The following NIBAN1 variants were observed in gnomAD, a reference collection of about 807,000 sequenced individuals.
The protein encoded by NIBAN1 is protein Niban 1.
A neutral mutation model predicts 75.1 loss-of-function variants in NIBAN1; 81 were observed. The observed-to-expected ratio is 1.08, with a 90% CI of 0.90 to 1.30. NIBAN1 has a LOEUF of 1.30. Among genes scored for constraint, NIBAN1 ranks in the 50% most tolerant of loss-of-function variants. The pLI is 0.00. For synonymous variants in NIBAN1, 436 were observed against 424.8 expected (o/e 1.03, Z -0.32); for missense variants, 1,133 against 1,128.1 (o/e 1.00, Z -0.06).
chr1:184,900,973 A>C (rs2101990896), intron 1 of NIBAN1, among the ~76,000 whole-genome samples: 1 of 152,326 alleles, frequency 6.6e-6, no homozygotes, highest in African/African-American at 2.4e-5. Flanking sequence ...ATTTGTTTAG[A>C]GCTATCATGT....
At chr1:184,834,250 G>T (rs546716860) in intron 5 of NIBAN1, among the ~76,000 whole-genome samples, 10 of 152,222 alleles carry the variant, frequency 6.6e-5, no homozygotes, top group African/African-American at 1.9e-4. Flanking sequence ...TCTTAATCCA[G>T]TCTATCATTG....
chr1:184,920,980 T>G (rs1249309573), intron 1 of NIBAN1, among the ~76,000 whole-genome samples: 2 of 151,940 alleles, frequency 1.3e-5, no homozygotes, highest in Non-Finnish European at 2.9e-5. Flanking sequence ...AAATACAAAA[T>G]TAGCCGGGTG....
intron 8 of NIBAN1, 25 bp from the exon 9 acceptor site, chr1:184,818,850 C>T: frequency 6.4e-7 from 1 of 1,558,102 alleles, no homozygotes; most frequent in South Asian, 1.2e-5. Context: ...AGCCAAAAAA[C>T]CGTGACATAT....
chr1:184,806,960 G>A (rs113227035), intron 10 of NIBAN1, among the ~76,000 whole-genome samples: 12,128 of 151,986 alleles, frequency 0.08, 592 homozygotes, highest in African/African-American at 0.13. Flanking sequence ...AGTAGAGATG[G>A]GGTTTCACCA....
At chr1:184,829,698 T>C (rs1465388791) in intron 6 of NIBAN1, among the ~76,000 whole-genome samples, 1 of 151,994 alleles carries the variant, frequency 6.6e-6, no homozygotes, top group African/African-American at 2.4e-5. Flanking sequence ...GAACTCCTGG[T>C]CTTGTGATCT....
chr1:184,854,097 C>G (rs1655614667), intron 5 of NIBAN1, among the ~76,000 whole-genome samples: 1 of 152,014 alleles, frequency 6.6e-6, no homozygotes, highest in South Asian at 2.1e-4. Flanking sequence ...AGTACTAAGT[C>G]TTTGAAATCT....
intron 4 of NIBAN1, among the ~76,000 whole-genome samples, chr1:184,887,060 G>A (rs1316893350): frequency 6.6e-6 from 1 of 152,162 alleles, no homozygotes; most frequent in East Asian, 1.9e-4. Flanking sequence ...GGCAGAGGTT[G>A]CAGTGAGCCG....
chr1:184,882,218 G>GT (rs1450410791), intron 5 of NIBAN1, among the ~76,000 whole-genome samples: 4 of 152,106 alleles, frequency 2.6e-5, no homozygotes, highest in Non-Finnish European at 5.9e-5. Flanking sequence ...AACTTTTTGG[G>GT]TAATTATGGG....
At chr1:184,864,587 TCA>T (rs1655899617) in intron 5 of NIBAN1, among the ~76,000 whole-genome samples, 1 of 151,728 alleles carries the variant, frequency 6.6e-6, no homozygotes, top group South Asian at 2.1e-4. Flanking sequence ...AGTCACTTCT[TCA>T]AAAGTGATGG....
rs192509505 is a variant in NIBAN1, at chr1:184,948,338, A to G, written c.55+25964T>C. 5.4e-4 allele frequency among the ~76,000 whole-genome samples: 82 copies of G among 152,318 alleles called. 1 individual carries two copies. The highest frequency in any genetic ancestry group is 1.7e-3 in the African/African-American group (69 of 41,578). On this transcript the variant is annotated intron_variant, in intron 1 of 13. Transcript: ENST00000367511. The stretch of plus-strand genomic sequence containing the variant: ...GCAAGTTGACCTTAATAGGACAGAT[A>G]TCCTGGAACACAAAAAGGGTAGGAA...
intron 4 of NIBAN1, 87 bp from the exon 5 acceptor site, chr1:184,884,887 T>C: frequency 6.8e-7 from 1 of 1,476,360 alleles, no homozygotes; most frequent in Non-Finnish European, 9.1e-7. Flanking sequence ...GGTGACTATC[T>C]GGGGCAGGCC....
At chr1:184,971,426 C>T (rs998315807) in intron 1 of NIBAN1, among the ~76,000 whole-genome samples, 1 of 151,812 alleles carries the variant, frequency 6.6e-6, no homozygotes, top group Admixed American at 6.6e-5. Flanking sequence ...AATCCCAGCA[C>T]TTTGGGAGGC....
chr1:184,903,703 G>A (rs1657011766), intron 1 of NIBAN1, among the ~76,000 whole-genome samples: 1 of 144,212 alleles, frequency 6.9e-6, no homozygotes, highest in South Asian at 2.3e-4. Context: ...TGTACAGGCT[G>A]TAGAACCAAG....
At chr1:184,827,778 C>T (rs1654883231) in intron 6 of NIBAN1, among the ~76,000 whole-genome samples, 1 of 151,724 alleles carries the variant, frequency 6.6e-6, no homozygotes, top group Non-Finnish European at 1.5e-5. Context: ...TCCAGAGAGA[C>T]CACCCTCCTT....
At chr1:184,803,518 A>G (rs1654103200) in intron 12 of NIBAN1, 67 bp downstream of exon 12, 2 of 1,299,972 alleles carry the variant, frequency 1.5e-6, no homozygotes, top group Non-Finnish European at 1.1e-6. Flanking sequence ...AGTACACATC[A>G]CAAAAGAACT....
intron 1 of NIBAN1, among the ~76,000 whole-genome samples, chr1:184,942,122 T>C (rs1299937362): frequency 6.6e-6 from 1 of 152,238 alleles, no homozygotes; most frequent in Non-Finnish European, 1.5e-5. Context: ...GAGTTATCAT[T>C]TACTCAAATA....
intron 9 of NIBAN1, among the ~76,000 whole-genome samples, chr1:184,810,411 G>A (rs1654341102): frequency 6.6e-6 from 1 of 152,200 alleles, no homozygotes; most frequent in Non-Finnish European, 1.5e-5. Flanking sequence ...TGATGACACT[G>A]CTGGTCTGGG....
chr1:184,890,166 C>T lies in NIBAN1; in HGVS notation c.375G>A (p.Val125=), dbSNP rs779747597. The T allele has an allele frequency of 2.8e-5, 45 of 1,613,864 alleles. 1 individual carries two copies. In the South Asian group the frequency reaches 4.7e-4, roughly 17 times the overall value. ...GATTATATTCATCTTCTGAGGTTAA[C>T]ACCTTGCCACCGGCTGGAAGAATTC... is the stretch of plus-strand genomic sequence containing the variant. The part of the protein sequence containing the change: ...KCRILPAGGK[V]LTSEDEYNLL... The change falls in exon 4 of 14, where the codon GTG becomes GTA. Residue 125 remains valine (V), a synonymous_variant. Coordinates refer to ENST00000367511, the MANE Select transcript of NIBAN1 (RefSeq NM_052966.4).
chr1:184,915,078 T>C (rs1409646584), intron 1 of NIBAN1, among the ~76,000 whole-genome samples: 1 of 152,230 alleles, frequency 6.6e-6, no homozygotes, highest in Non-Finnish European at 1.5e-5. Flanking sequence ...TTGAGCAGTA[T>C]GTCTCTAGAA....
Sources: allele counts gnomAD v4.1 joint callset (sites outside exome capture counted in the v4.1 genomes callset), GRCh38; gene constraint gnomAD v4.1.1; transcripts MANE v1.5; gene names NCBI Gene and HGNC (gene_info 2026-07-23, HGNC 2026-07-21).